BLNK: variants seen among roughly 807,000 people sequenced by gnomAD.
BLNK encodes B cell linker, also known as B-cell linker protein.
In BLNK, 29 loss-of-function variants were observed where a neutral mutation model predicts 73.5. The ratio of observed to expected loss-of-function variants is 0.39; its 90% confidence interval spans 0.29 to 0.54. The LOEUF (loss-of-function observed/expected upper bound fraction) is 0.54. Among genes scored for constraint, BLNK ranks in the 20% least tolerant of loss-of-function variants. The pLI is 0.61. For missense variants in BLNK, 460 were observed against 562.8 expected (o/e 0.82, Z 1.85); for synonymous variants, 176 against 200.8 (o/e 0.88, Z 1.04).
In BLNK at chr10:96,232,328, C is replaced by T. The variant is rs587694462; in HGVS notation, c.164-1494G>A. On this transcript the variant is annotated intron_variant, in intron 3 of 16. Transcript: ENST00000224337. Reference sequence around the variant, plus strand: ...GTTTTTGCTATTCCCCGCTGAGTAGCCACTGCCACAGAGGACCCAGTGGAT... The same window carrying T: ...GTTTTTGCTATTCCCCGCTGAGTAGTCACTGCCACAGAGGACCCAGTGGAT... Among the ~76,000 whole-genome samples the T allele has an allele frequency of 3.4e-5, 5 of 146,396 alleles. No homozygotes were observed. The South Asian group carries it at 1.2e-3, about 36-fold the overall frequency.
chr10:96,222,995 T>G (rs4917725), intron 6 of BLNK, among the ~76,000 whole-genome samples: 21,091 of 151,852 alleles, frequency 0.14, 1,923 homozygotes, highest in South Asian at 0.29. Flanking sequence ...GGAAAAGCAG[T>G]CTCCCAATAG....
rs370433534 is a variant in BLNK, at chr10:96,191,547, T to C, written c.*426A>G. ...CCTTTAATACCTTATTTTCTACAAA[T>C]TAAAATTTTAACCAAGACTTAATTG... On this transcript the variant is annotated 3_prime_UTR_variant, in exon 17 of 17. Coordinates refer to ENST00000224337, the MANE Select transcript of BLNK (RefSeq NM_013314.4). Among the ~76,000 whole-genome samples, 37 of 152,254 alleles carry C rather than the reference T, an allele frequency of 2.4e-4. 1 individual carries two copies. In the East Asian group the frequency reaches 7.1e-3, roughly 29 times the overall value.
At chr10:96,244,991 G>T (rs567981341) in intron 2 of BLNK, among the ~76,000 whole-genome samples, 1 of 152,210 alleles carries the variant, frequency 6.6e-6, no homozygotes, top group Non-Finnish European at 1.5e-5. Flanking sequence ...AATTGCTAGT[G>T]ATTGTAACAA....
At position 96,200,994 on chromosome 10, in the gene BLNK, A is replaced by G. The variant is rs1304318911; in HGVS notation, c.999T>C (p.Thr333=). The change falls in exon 14 of 17, where the codon ACT becomes ACC. Residue 333 remains threonine (T), a synonymous_variant. Coordinates refer to ENST00000224337, the MANE Select transcript of BLNK (RefSeq NM_013314.4). The surrounding 1 kb of genome is among the most constrained non-coding windows in gnomAD (Gnocchi z 4.3). ...GPLPSFSSNS[T]ISEQEAGVLC... ...GTTCATTTCATACCTGTTCTGAAAT[A>G]GTGGAATTAGATGAAAAGCTGGGTA... The G allele has an allele frequency of 1.2e-6, 2 of 1,613,912 alleles. No homozygotes were observed. Among genetic ancestry groups the G allele is most frequent in the Non-Finnish European group, 8.5e-7 (1 of 1,179,888 alleles).
rs1554896954 is a variant in BLNK at position 96,204,558 on chromosome 10, C to T, written c.876G>A (p.Gln292=). ...RGSSHRQEAV[Q]SPVFPPAQKQ... ...TCTGGGCAGGAGGAAACACTGGTGA[C>T]TGCACAGCTTCTTGTCTGTGACTTG... Residue 292 remains glutamine (Q), a synonymous_variant, in exon 12 of 17, where the codon CAG becomes CAA. Coordinates refer to ENST00000224337, the MANE Select transcript of BLNK (RefSeq NM_013314.4). 6.2e-7 allele frequency: 1 copy of T among 1,614,052 alleles called. No individual in the cohort carries two copies.
At chr10:96,246,184 A>G (rs2134090513) in intron 2 of BLNK, among the ~76,000 whole-genome samples, 1 of 53,944 alleles carries the variant, frequency 1.9e-5, no homozygotes, top group African/African-American at 4.0e-5. Context: ...GAGTTTTGAG[A>G]TGCTAGGCTT....
intron 8 of BLNK, among the ~76,000 whole-genome samples, chr10:96,213,916 C>G (rs1291300514): frequency 6.6e-6 from 1 of 152,218 alleles, no homozygotes; most frequent in African/African-American, 2.4e-5. Flanking sequence ...CTGAGCTCCA[C>G]TCCCCACTTA....
intron 15 of BLNK, 164 bp downstream of exon 15, chr10:96,199,911 C>G: frequency 2.8e-6 from 1 of 356,006 alleles, no homozygotes; most frequent in Non-Finnish European, 4.9e-6. Flanking sequence ...GTAATCCCAG[C>G]TGCTTGGGAG....
chr10:96,232,788 G>C (rs1463592176), intron 3 of BLNK, among the ~76,000 whole-genome samples: 1 of 151,400 alleles, frequency 6.6e-6, no homozygotes, highest in Non-Finnish European at 1.5e-5. Context: ...TGGCACAATG[G>C]GGGAGTATGT....
At chr10:96,196,793 A>G (rs2083477581) in intron 16 of BLNK, 115 bp downstream of exon 16, 2 of 1,031,646 alleles carry the variant, frequency 1.9e-6, no homozygotes, top group South Asian at 2.7e-5. Flanking sequence ...TTATGCAAGC[A>G]TTAGAACAAG....
At chr10:96,263,153 G>T (rs1228072955) in intron 1 of BLNK, among the ~76,000 whole-genome samples, 1 of 152,236 alleles carries the variant, frequency 6.6e-6, no homozygotes, top group Non-Finnish European at 1.5e-5. Flanking sequence ...AATGTAAAAT[G>T]AAAATGCAGG....
intron 1 of BLNK, among the ~76,000 whole-genome samples, chr10:96,263,554 GT>G (rs1421147956): frequency 2.0e-5 from 3 of 152,034 alleles, no homozygotes; most frequent in South Asian, 2.1e-4. Flanking sequence ...CTGCAAAAGG[GT>G]TGTGAAAACA....
intron 3 of BLNK, among the ~76,000 whole-genome samples, chr10:96,234,831 T>C (rs1842639133): frequency 6.6e-6 from 1 of 152,096 alleles, no homozygotes; most frequent in African/African-American, 2.4e-5. Context: ...GTGAGTAAAA[T>C]TTGGGGGAGA....
chr10:96,196,379 A>T (rs2083466154), intron 16 of BLNK, among the ~76,000 whole-genome samples: 1 of 152,224 alleles, frequency 6.6e-6, no homozygotes, highest in Admixed American at 6.5e-5. Flanking sequence ...TTAAAGAGGC[A>T]TTAAAGTTAA....
rs2083320184 is a variant in BLNK, at chr10:96,191,040, T to TCA, written c.*931_*932dup. Among the ~76,000 whole-genome samples, 1 of 152,132 alleles carries TCA rather than the reference T, an allele frequency of 6.6e-6. No individual in the cohort carries two copies. Among genetic ancestry groups the TCA allele is most frequent in the African/African-American group, 2.4e-5 (1 of 41,436 alleles). ...AGGGACCTGGTGGGAGGTAACTGAA[T>TCA]CACGCGGGCAGGTTTTCCCATGTTG... On this transcript the variant is annotated 3_prime_UTR_variant, in exon 17 of 17. Transcript: ENST00000224337.
rs190719533 is a variant in BLNK, at chr10:96,252,921, T to C, written c.48-5872A>G. On this transcript the variant is annotated intron_variant, in intron 1 of 16. Coordinates refer to ENST00000224337, the MANE Select transcript of BLNK (RefSeq NM_013314.4). ...TTGGTGGGGGATAGGCTGTCTTTGC[T>C]GTCACTCATCCTGCAAAGACTCCAA... Among the ~76,000 whole-genome samples the C allele has an allele frequency of 1.2e-4, 19 of 152,264 alleles. No homozygotes were observed. In the East Asian group the frequency reaches 3.7e-3, roughly 29 times the overall value.
intron 3 of BLNK, chr10:96,239,314 A>G (rs1842807089): frequency 2.5e-6 from 1 of 395,820 alleles, no homozygotes; most frequent in Non-Finnish European, 4.5e-6. Flanking sequence ...AATAATTAGT[A>G]TTAGAGGGGA....
chr10:96,229,788 G>T (rs1842428991), intron 4 of BLNK, among the ~76,000 whole-genome samples: 1 of 151,948 alleles, frequency 6.6e-6, no homozygotes, highest in Non-Finnish European at 1.5e-5. Flanking sequence ...ATGACCAAGA[G>T]ATGGGCAGAA....
chr10:96,200,966 A>G lies in BLNK; in HGVS notation c.1011+16T>C, dbSNP rs1366808850. On this transcript the variant is annotated intron_variant, in intron 14 of 16. Coordinates refer to ENST00000224337, the MANE Select transcript of BLNK (RefSeq NM_013314.4). The surrounding 1 kb of genome is among the most constrained non-coding windows in gnomAD (Gnocchi z 4.3). ...TCCTGGTAACAATTTAGTGACATCA[A>G]GAGTTCATTTCATACCTGTTCTGAA... 1 of 1,610,222 alleles carries G rather than the reference A, an allele frequency of 6.2e-7. No individual in the cohort carries two copies. The highest frequency in any genetic ancestry group is 8.5e-7 in the Non-Finnish European group (1 of 1,176,574).
Sources: allele counts gnomAD v4.1 joint callset (sites outside exome capture counted in the v4.1 genomes callset), GRCh38; gene constraint gnomAD v4.1.1; non-coding constraint Gnocchi (gnomAD v3.1); transcripts MANE v1.5; gene names NCBI Gene and HGNC (gene_info 2026-07-23, HGNC 2026-07-21).